Variants in TRAT1 observed in about 807,000 individuals in gnomAD.
TRAT1 encodes the protein T cell receptor associated transmembrane adaptor 1, also known as T-cell receptor-associated transmembrane adapter 1.
TRAT1 carries 20 observed loss-of-function variants against 20.0 expected under a neutral mutation model. The observed-to-expected ratio is 1.00, with a 90% CI of 0.70 to 1.45. TRAT1 has a LOEUF of 1.45. Among genes scored for constraint, TRAT1 ranks in the 40% most tolerant of loss-of-function variants. TRAT1 has a pLI of 0.00. For missense variants in TRAT1, 237 were observed against 224.1 expected (o/e 1.06, Z -0.37); for synonymous variants, 77 against 74.2 (o/e 1.04, Z -0.20).
chr3:108,852,251 G>A (rs1222104570), intron 5 of TRAT1, among the ~76,000 whole-genome samples: 2 of 152,084 alleles, frequency 1.3e-5, no homozygotes, highest in Non-Finnish European at 2.9e-5. Context: ...CGTGGTGGTG[G>A]GCACCTATAA....
At chr3:108,830,253 A>C (rs1306922203) in intron 1 of TRAT1, among the ~76,000 whole-genome samples, 1 of 152,234 alleles carries the variant, frequency 6.6e-6, no homozygotes, top group Admixed American at 6.5e-5. Flanking sequence ...AATGGAAGAG[A>C]ACAGGCCATT....
chr3:108,844,837 C>T (rs1945926135), intron 3 of TRAT1, among the ~76,000 whole-genome samples: 2 of 93,640 alleles, frequency 2.1e-5, no homozygotes, highest in Admixed American at 2.8e-4. Context: ...GAGAGAGACT[C>T]TGTCTCAAAA....
At chr3:108,847,459 T>C in intron 4 of TRAT1, 1 of 223,198 alleles carries the variant, frequency 4.5e-6, no homozygotes. Flanking sequence ...CAGAAAGTGG[T>C]CCACAGAAAC....
intron 3 of TRAT1, among the ~76,000 whole-genome samples, chr3:108,845,402 T>G (rs567967230): frequency 3.2e-4 from 49 of 152,368 alleles, no homozygotes; most frequent in African/African-American, 1.2e-3. Context: ...ATGGATTGTC[T>G]TATTAAAAAT....
chr3:108,841,288 AT>A (rs1481193977), intron 3 of TRAT1, among the ~76,000 whole-genome samples: 1 of 152,260 alleles, frequency 6.6e-6, no homozygotes, highest in South Asian at 2.1e-4. Context: ...TACAATGCAG[AT>A]TTTTTTCTAT....
chr3:108,839,025 G>T, intron 3 of TRAT1, 58 bp downstream of exon 3: 1 of 1,301,430 alleles, frequency 7.7e-7, no homozygotes, highest in Non-Finnish European at 1.1e-6. Flanking sequence ...AAGTAACAAT[G>T]CTATATTGTT....
At chr3:108,852,062 CACAACAACAACAACA>C (rs200204521) in intron 5 of TRAT1, among the ~76,000 whole-genome samples, 298 of 151,570 alleles carry the variant, frequency 2.0e-3, no homozygotes, top group African/African-American at 6.8e-3. Context: ...AGAAGCTAGA[CACAACAACAACAACA>C]ACAACAACAA....
intron 1 of TRAT1, among the ~76,000 whole-genome samples, chr3:108,823,775 CT>C (rs1945712543): frequency 6.6e-6 from 1 of 152,052 alleles, no homozygotes; most frequent in South Asian, 2.1e-4. Context: ...AATATAACTT[CT>C]GCATAATCAT....
intron 5 of TRAT1, among the ~76,000 whole-genome samples, chr3:108,853,097 A>G (rs1052780127): frequency 6.6e-6 from 1 of 152,244 alleles, no homozygotes; most frequent in East Asian, 1.9e-4. Context: ...TTTGCCAGAT[A>G]TCTATCATGT....
chr3:108,840,256 T>C (rs182444592), intron 3 of TRAT1, among the ~76,000 whole-genome samples: 2 of 152,336 alleles, frequency 1.3e-5, no homozygotes, highest in African/African-American at 4.8e-5. Flanking sequence ...GTCATTAGTT[T>C]ATATCAAGAA....
chr3:108,849,320 C>G, intron 5 of TRAT1, 66 bp downstream of exon 5: 1 of 1,350,856 alleles, frequency 7.4e-7, no homozygotes, highest in Non-Finnish European at 1.0e-6. Context: ...CATTATGATA[C>G]ACATCTGAAA....
At chr3:108,829,586 A>AACACACACACACACACACACACACAC (rs144318236) in intron 1 of TRAT1, among the ~76,000 whole-genome samples, 43 of 142,556 alleles carry the variant, frequency 3.0e-4, no homozygotes, top group African/African-American at 1.0e-3. Context: ...TCCATCTCAA[A>AACACACACACACACACACACACACAC]ACACACACAC....
intron 1 of TRAT1, among the ~76,000 whole-genome samples, chr3:108,828,337 T>C (rs1474667277): frequency 6.6e-6 from 1 of 151,918 alleles, no homozygotes; most frequent in African/African-American, 2.4e-5. Flanking sequence ...TTACCCCTCC[T>C]CCAGAAAAAG....
At chr3:108,842,702 C>T (rs1289696769) in intron 3 of TRAT1, among the ~76,000 whole-genome samples, 1 of 152,214 alleles carries the variant, frequency 6.6e-6, no homozygotes, top group Non-Finnish European at 1.5e-5. Flanking sequence ...CTTGGATTCT[C>T]CGTCATTTTA....
chr3:108,829,238 GTTATA>G (rs1021520099), intron 1 of TRAT1, among the ~76,000 whole-genome samples: 4 of 152,066 alleles, frequency 2.6e-5, no homozygotes, highest in Admixed American at 1.3e-4. Flanking sequence ...ACTATATTAT[GTTATA>G]TTATATAATT....
At chr3:108,852,268 C>G (rs2107517121) in intron 5 of TRAT1, among the ~76,000 whole-genome samples, 1 of 152,270 alleles carries the variant, frequency 6.6e-6, no homozygotes, top group South Asian at 2.1e-4. Context: ...ATAATCCCAG[C>G]TACTTGGGAG....
At chr3:108,848,600 T>C (rs1447472582) in intron 4 of TRAT1, among the ~76,000 whole-genome samples, 2 of 152,194 alleles carry the variant, frequency 1.3e-5, no homozygotes, top group Non-Finnish European at 2.9e-5. Flanking sequence ...AGGACCAGCA[T>C]TGTGCAGCCC....
chr3:108,847,481 C>A, intron 4 of TRAT1: 1 of 199,832 alleles, frequency 5.0e-6, no homozygotes, highest in Non-Finnish European at 9.9e-6. Flanking sequence ...GTGCTTTGTG[C>A]TCAATATACA....
At chr3:108,833,007 T>TG (rs1440917232) in intron 2 of TRAT1, among the ~76,000 whole-genome samples, 1 of 152,238 alleles carries the variant, frequency 6.6e-6, no homozygotes, top group African/African-American at 2.4e-5. Flanking sequence ...TTTGGTAGTT[T>TG]GTGCATTGGG....
Sources: allele counts gnomAD v4.1 joint callset (sites outside exome capture counted in the v4.1 genomes callset), GRCh38; gene constraint gnomAD v4.1.1; transcripts MANE v1.5; gene names NCBI Gene and HGNC (gene_info 2026-07-23, HGNC 2026-07-21).